GTF2I: variants seen among roughly 807,000 people sequenced by gnomAD.
The protein encoded by GTF2I is general transcription factor II-I.
GTF2I carries 12 observed loss-of-function variants against 67.6 expected under a neutral mutation model. The observed-to-expected ratio is 0.18, with a 90% CI of 0.11 to 0.29. The LOEUF is 0.29. Ranked by LOEUF, GTF2I falls within the 10% of genes least tolerant of loss-of-function variation. The pLI, the probability that GTF2I is intolerant of heterozygous loss-of-function variation, is 1.00. For missense variants in GTF2I, 271 were observed against 580.1 expected, an observed-to-expected ratio of 0.47 and a Z score of 5.47; for synonymous variants, 149 against 197.0, an observed-to-expected ratio of 0.76 and a Z score of 2.04.
intron 1 of GTF2I, among the ~76,000 whole-genome samples, chr7:74,663,433 G>A (rs1266748407): frequency 2.6e-5 from 4 of 152,086 alleles, no homozygotes; most frequent in Non-Finnish European, 5.9e-5. Flanking sequence ...TTACAGGCAT[G>A]TGCCACCATG....
chr7:74,700,121 A>G (rs1185694722), intron 4 of GTF2I, 126 bp from the exon 5 acceptor site: 3 of 966,410 alleles, frequency 3.1e-6, no homozygotes, highest in Non-Finnish European at 4.6e-6. Flanking sequence ...TGTAGTATTA[A>G]TTAATTTTGA....
In GTF2I at chr7:74,689,271, A is replaced by G. The variant is rs1554396278; in HGVS notation, c.99+44A>G. On this transcript the variant is annotated intron_variant, in intron 2 of 34. Transcript: ENST00000573035. The stretch of plus-strand genomic sequence containing the variant: ...TCATTCCATAGTTGGGTAGGCCTGC[A>G]CTGTAGATAAGGTTGATTTGTTTTT... The G allele has an allele frequency of 6.3e-6, 6 of 959,974 alleles. No individual in the cohort carries two copies. The Admixed American group carries it at 7.7e-5, about 12-fold the overall frequency. The allele number at this position is 959,974 out of a possible 1,614,324, so 59.5% of individuals were successfully genotyped here. A position where few individuals can be genotyped will look rare whatever the true frequency, so the allele number is the denominator to read the frequency against.
intron 12 of GTF2I, among the ~76,000 whole-genome samples, chr7:74,721,128 G>A (rs587707436): frequency 6.6e-5 from 10 of 152,240 alleles, no homozygotes; most frequent in Admixed American, 1.3e-4. Flanking sequence ...CGCAACCTCC[G>A]CCTCGCAGGT....
chr7:74,720,035 G>A lies in GTF2I; in HGVS notation c.943+1094G>A, dbSNP rs191466301. On this transcript the variant is annotated intron_variant, in intron 12 of 34. Coordinates refer to ENST00000573035, the MANE Select transcript of GTF2I (RefSeq NM_032999.4). Reference sequence around the variant, plus strand: ...AAATGGTACAGTAAATTGTACAGTGGAAAGTTTTCTTCACCCTCACTCTGC... The same window carrying A: ...AAATGGTACAGTAAATTGTACAGTGAAAAGTTTTCTTCACCCTCACTCTGC... Among the ~76,000 whole-genome samples, 651 of 152,292 alleles carry A rather than the reference G, an allele frequency of 4.3e-3. 2 individuals carry two copies. The highest frequency in any genetic ancestry group is 7.1e-3 in the Non-Finnish European group (485 of 68,030).
At chr7:74,726,464 AGG>A (rs1399460223) in intron 12 of GTF2I, 6 of 152,192 alleles carry the variant, frequency 3.9e-5, no homozygotes, top group Non-Finnish European at 7.3e-5. Context: ...ATCTATTTAT[AGG>A]GTGTCTTGAC....
intron 1 of GTF2I, among the ~76,000 whole-genome samples, chr7:74,665,777 T>G (rs1554388299): frequency 6.6e-6 from 1 of 152,250 alleles, no homozygotes; most frequent in Non-Finnish European, 1.5e-5. Flanking sequence ...GAATATGAAT[T>G]GCAAGGGCAA....
chr7:74,677,049 ACT>A (rs1457595318), intron 1 of GTF2I, among the ~76,000 whole-genome samples: 1 of 152,072 alleles, frequency 6.6e-6, no homozygotes, highest in Admixed American at 6.6e-5. Flanking sequence ...ACAGAGTGAG[ACT>A]CTGTCTCCAA....
rs782515287 is a variant in GTF2I at position 74,678,862 on chromosome 7, C to T, written c.-5-10262C>T. Among the ~76,000 whole-genome samples the T allele has an allele frequency of 9.2e-5, 14 of 151,994 alleles. 1 individual carries two copies. The South Asian group carries it at 2.7e-3, about 29-fold the overall frequency. ...TCTCGGCTCACTGCAACCTCCGCCT[C>T]CCGGGTTCAAGCAATTCTCCTGCGT... On this transcript the variant is annotated intron_variant, in intron 1 of 34. Transcript: ENST00000573035.
chr7:74,675,011 C>T (rs1805774253), intron 1 of GTF2I, among the ~76,000 whole-genome samples: 1 of 151,978 alleles, frequency 6.6e-6, no homozygotes, highest in South Asian at 2.1e-4. Flanking sequence ...TGCCACCACA[C>T]CCAGCCAATT....
intron 2 of GTF2I, 123 bp downstream of exon 2, chr7:74,689,350 T>A: frequency 9.2e-6 from 2 of 218,424 alleles, no homozygotes; most frequent in Non-Finnish European, 8.5e-6. Context: ...TTTCTTTACT[T>A]TTTTTTTTTT....
At chr7:74,663,573 G>A (rs889255140) in intron 1 of GTF2I, among the ~76,000 whole-genome samples, 2 of 152,180 alleles carry the variant, frequency 1.3e-5, no homozygotes, top group African/African-American at 4.8e-5. Flanking sequence ...TTACAGGCGT[G>A]AGCCACTGCG....
chr7:74,680,099 A>AAAAAAAATATATATAT, intron 1 of GTF2I, among the ~76,000 whole-genome samples: 1 of 94,998 alleles, frequency 1.1e-5, no homozygotes, highest in African/African-American at 4.0e-5. Flanking sequence ...AAAAAAAAAA[A>AAAAAAAATATATATAT]ATATATATAT....
chr7:74,709,961 C>T (rs904024312), intron 8 of GTF2I, among the ~76,000 whole-genome samples: 2 of 152,210 alleles, frequency 1.3e-5, no homozygotes, highest in African/African-American at 2.4e-5. Context: ...GCACGAGCCA[C>T]CGCACCTGGC....
At position 74,700,637 on chromosome 7, in the gene GTF2I, A is replaced by G; in HGVS notation, c.586+3A>G. ...TTTAGAGCCAAAGAAGCATGTAGGT[A>G]AGTAAGTGCTTTGCTTCCTTGATAG... On this transcript the variant is annotated splice_donor_region_variant and intron_variant, in intron 6 of 34. Coordinates refer to ENST00000573035, the MANE Select transcript of GTF2I (RefSeq NM_032999.4). 1 of 1,613,848 alleles carries G rather than the reference A, an allele frequency of 6.2e-7. No individual in the cohort carries two copies.
rs587665263 is a variant in GTF2I, at chr7:74,701,303, G to T, written c.586+669G>T. 3.1e-4 allele frequency among the ~76,000 whole-genome samples: 47 copies of T among 152,222 alleles called. No homozygotes were observed. In the South Asian group the frequency reaches 6.6e-3, roughly 21 times the overall value. On this transcript the variant is annotated intron_variant, in intron 6 of 34. Coordinates refer to ENST00000573035, the MANE Select transcript of GTF2I (RefSeq NM_032999.4). ...CGGAAGTAAATAACCAGTATCATTGGAATACTTTTAAACATGTAACTATGA... is the reference window on the plus strand; with the variant it reads ...CGGAAGTAAATAACCAGTATCATTGTAATACTTTTAAACATGTAACTATGA...
At chr7:74,725,639 A>G (rs1442528648) in intron 12 of GTF2I, among the ~76,000 whole-genome samples, 1 of 152,112 alleles carries the variant, frequency 6.6e-6, no homozygotes, top group Non-Finnish European at 1.5e-5. Flanking sequence ...GGCTGCAGTG[A>G]GTGGTGCTCC....
At chr7:74,727,208 A>G (rs371902589) in intron 12 of GTF2I, 3 of 152,214 alleles carry the variant, frequency 2.0e-5, no homozygotes, top group African/African-American at 7.2e-5. Flanking sequence ...CAGCCAGTCA[A>G]TAATTTCAGG....
At chr7:74,701,923 G>GT (rs1789830944) in intron 6 of GTF2I, among the ~76,000 whole-genome samples, 1 of 152,180 alleles carries the variant, frequency 6.6e-6, no homozygotes, top group Admixed American at 6.5e-5. Context: ...GGAATATGTA[G>GT]TATGTATCCT....
intron 1 of GTF2I, among the ~76,000 whole-genome samples, 152 bp downstream of exon 1, chr7:74,658,220 G>A (rs1804100556): frequency 6.7e-6 from 1 of 149,708 alleles, no homozygotes; most frequent in African/African-American, 2.4e-5. Flanking sequence ...GGGGCCTTGG[G>A]GGGCGCCCGT....
Sources: allele counts gnomAD v4.1 joint callset (sites outside exome capture counted in the v4.1 genomes callset), GRCh38; gene constraint gnomAD v4.1.1; transcripts MANE v1.5; gene names NCBI Gene and HGNC (gene_info 2026-07-23, HGNC 2026-07-21).